Variants in ACADM observed in about 807,000 individuals in gnomAD.
The protein encoded by ACADM is acyl-CoA dehydrogenase medium chain, also known as medium-chain specific acyl-CoA dehydrogenase, mitochondrial.
ACADM carries 49 observed loss-of-function variants against 58.9 expected under a neutral mutation model. That is an observed-to-expected ratio of 0.83 (90% CI 0.66 to 1.06). The LOEUF is 1.06. Among genes scored for constraint, ACADM ranks in the 50% least tolerant of loss-of-function variants. The pLI, the probability that ACADM is intolerant of heterozygous loss-of-function variation, is 0.00. For synonymous variants in ACADM, 160 were observed against 157.7 expected (o/e 1.01, Z -0.11); for missense variants, 496 against 507.0 (o/e 0.98, Z 0.21).
rs765175601 is a variant in ACADM at position 75,732,911 on chromosome 1, C to T, written c.275C>T (p.Pro92Leu). The T allele has an allele frequency of 1.2e-6, 2 of 1,613,918 alleles. No individual in the cohort carries two copies. The highest frequency in any genetic ancestry group is 4.5e-5 in the East Asian group (2 of 44,852). The change falls in exon 4 of 12, where the codon CCA becomes CTA. Residue 92 changes from proline to leucine, a missense_variant. Pro to Leu is a moderately conservative substitution (Grantham distance 98). Coordinates refer to ENST00000370841, the MANE Select transcript of ACADM (RefSeq NM_000016.6). ...WELGLMNTHI[P>L]ENCGGLGLGT... ...CTTGGTTTAATGAACACACACATTC[C>T]AGAGAACTGTGGTAAGCTTTCTTTA...
At chr1:75,752,986 T>A (rs932170160) in intron 10 of ACADM, among the ~76,000 whole-genome samples, 1 of 152,184 alleles carries the variant, frequency 6.6e-6, no homozygotes, top group Non-Finnish European at 1.5e-5. Flanking sequence ...ACTTGGAGAA[T>A]CCTGTATCAC....
chr1:75,730,332 T>C (rs1320620323), intron 2 of ACADM, among the ~76,000 whole-genome samples: 1 of 152,114 alleles, frequency 6.6e-6, no homozygotes, highest in Non-Finnish European at 1.5e-5. Flanking sequence ...TTAGATATAA[T>C]TGTTTGGGAG....
chr1:75,738,716 A>G (rs1313935719), intron 6 of ACADM, among the ~76,000 whole-genome samples: 1 of 151,400 alleles, frequency 6.6e-6, no homozygotes, highest in Non-Finnish European at 1.5e-5. Context: ...AAATGCTAGG[A>G]TTACAGGTGG....
intron 7 of ACADM, chr1:75,744,363 A>G: frequency 6.3e-7 from 1 of 1,585,688 alleles, no homozygotes; most frequent in South Asian, 1.1e-5. Flanking sequence ...TGAAAAGCGG[A>G]GTGCCTCCTT....
At chr1:75,762,435 T>G (rs1237630335) in intron 11 of ACADM, among the ~76,000 whole-genome samples, 1 of 152,158 alleles carries the variant, frequency 6.6e-6, no homozygotes, top group Non-Finnish European at 1.5e-5. Flanking sequence ...TATCTTTTCT[T>G]TTTTTATATT....
At chr1:75,732,781 T>A (rs750526774) in intron 3 of ACADM, 40 bp downstream of exon 3, 1 of 1,604,544 alleles carries the variant, frequency 6.2e-7, no homozygotes, top group Non-Finnish European at 8.5e-7. Context: ...ATCTTTTACA[T>A]TTTTTACAAG....
intron 7 of ACADM, chr1:75,743,811 G>A: frequency 6.8e-7 from 1 of 1,469,848 alleles, no homozygotes. Context: ...CCTGTGGGGT[G>A]GCCACTGCAA....
At chr1:75,755,858 A>G (rs1018200151) in intron 10 of ACADM, among the ~76,000 whole-genome samples, 3 of 152,188 alleles carry the variant, frequency 2.0e-5, no homozygotes, top group Admixed American at 2.0e-4. Context: ...CAGCACATCA[A>G]AAAGCTTATC....
At position 75,734,828 on chromosome 1, in the gene ACADM, AG is replaced by A. The variant is rs777998984; in HGVS notation, c.426del (p.Lys143ArgfsTer7). On this transcript the variant is annotated frameshift_variant, in exon 6 of 12. Transcript: ENST00000370841. LOFTEE classifies it high-confidence loss of function. The part of the protein sequence containing the change: ...PIIIAGNDQQ[K>X]KKYLGRMTEE... Reference sequence around the variant, plus strand: ...ATTATTGCTGGAAATGATCAACAAAAGAAGAAGTATTTGGGGAGAATGACTG... The same window carrying A: ...ATTATTGCTGGAAATGATCAACAAAAAAGAAGTATTTGGGGAGAATGACTG... 5 of 1,613,822 alleles carry A rather than the reference AG, an allele frequency of 3.1e-6. No individual in the cohort carries two copies. In the African/African-American group the frequency reaches 6.7e-5, roughly 22 times the overall value.
chr1:75,733,284 A>C (rs1207115581), intron 4 of ACADM: 19 of 1,331,410 alleles, frequency 1.4e-5, no homozygotes, highest in Non-Finnish European at 1.9e-5. Context: ...GAGTTTTAAC[A>C]AAATCAAGTT....
chr1:75,744,237 T>A (rs1557453777), intron 7 of ACADM: 1 of 1,591,868 alleles, frequency 6.3e-7, no homozygotes, highest in East Asian at 2.2e-5. Flanking sequence ...ATCGAGTGGG[T>A]ATGGGTGCTG....
chr1:75,759,470 T>C (rs947775773), intron 10 of ACADM, among the ~76,000 whole-genome samples: 4 of 152,192 alleles, frequency 2.6e-5, no homozygotes, highest in Non-Finnish European at 5.9e-5. Context: ...ATTTCCATCC[T>C]ATAACATATC....
At chr1:75,744,201 G>T in intron 7 of ACADM, 13 of 1,572,692 alleles carry the variant, frequency 8.3e-6, no homozygotes, top group Non-Finnish European at 1.1e-5. Flanking sequence ...CTAGAAGGAG[G>T]TTGTGAGGGC....
intron 10 of ACADM, among the ~76,000 whole-genome samples, chr1:75,758,985 C>T (rs1414521642): frequency 2.6e-5 from 4 of 152,204 alleles, no homozygotes; most frequent in Non-Finnish European, 4.4e-5. Flanking sequence ...CTCTTTGGGT[C>T]CACACCACCT....
At chr1:75,744,445 G>T in intron 7 of ACADM, 2 of 1,521,614 alleles carry the variant, frequency 1.3e-6, no homozygotes, top group Non-Finnish European at 1.8e-6. Context: ...CTGCACCAAT[G>T]TCTTGTCAGT....
At chr1:75,737,620 G>A (rs964015548) in intron 6 of ACADM, among the ~76,000 whole-genome samples, 1 of 151,948 alleles carries the variant, frequency 6.6e-6, no homozygotes, top group Non-Finnish European at 1.5e-5. Context: ...CAGTTAACTT[G>A]AGTGACACCT....
chr1:75,763,273 C>T lies in ACADM; in HGVS notation c.*510C>T, dbSNP rs898831287. The T allele has an allele frequency of 1.3e-5, 2 of 152,206 alleles. No individual in the cohort carries two copies. Among genetic ancestry groups the T allele is most frequent in the African/African-American group, 4.8e-5 (2 of 41,454 alleles). 9.4% of individuals were successfully genotyped at this position (152,206 alleles called of 1,614,324 possible). On this transcript the variant is annotated 3_prime_UTR_variant, in exon 12 of 12. Transcript: ENST00000370841. ...CAGAAACAGTCAAAATTTTGACATT[C>T]ATATTCTCCTATTTTACAGCTACAA...
At chr1:75,742,063 T>G (rs751270399) in intron 7 of ACADM, among the ~76,000 whole-genome samples, 1 of 152,166 alleles carries the variant, frequency 6.6e-6, no homozygotes, top group Non-Finnish European at 1.5e-5. Flanking sequence ...TAAAATCAGT[T>G]TCTTTAAATA....
chr1:75,745,676 ATTAT>A (rs890803745), intron 7 of ACADM, 126 bp from the exon 8 acceptor site: 24 of 799,892 alleles, frequency 3.0e-5, no homozygotes, highest in Admixed American at 1.0e-4. Flanking sequence ...TTTAAACCTG[ATTAT>A]TTATTTCCTC....
Sources: allele counts gnomAD v4.1 joint callset (sites outside exome capture counted in the v4.1 genomes callset), GRCh38; gene constraint gnomAD v4.1.1; transcripts MANE v1.5; gene names NCBI Gene and HGNC (gene_info 2026-07-23, HGNC 2026-07-21).